LSM6: variants seen among roughly 807,000 people sequenced by gnomAD.
LSM6 encodes U6 snRNA-associated Sm-like protein LSm6.
In LSM6, 2 loss-of-function variants were observed where a neutral mutation model predicts 13.5. The observed-to-expected ratio is 0.15, with a 90% CI of 0.06 to 0.47. The LOEUF is 0.47. LSM6 is among the 20% of genes least tolerant of loss of function. The pLI is 0.97. For synonymous variants in LSM6, 43 were observed against 34.9 expected, an observed-to-expected ratio of 1.23 and a Z score of -0.82; for missense variants, 58 against 96.4, an observed-to-expected ratio of 0.60 and a Z score of 1.67.
At chr4:146,189,034 G>C (rs141909818) in intron 3 of LSM6, among the ~76,000 whole-genome samples, 1 of 149,064 alleles carries the variant, frequency 6.7e-6, no homozygotes, top group African/African-American at 2.5e-5. Context: ...CTGTGGCCCA[G>C]GCTGGAGTGT....
chr4:146,183,477 A>AT (rs1730276416), intron 2 of LSM6: 1 of 152,754 alleles, frequency 6.5e-6, no homozygotes, highest in Non-Finnish European at 1.5e-5. Context: ...GTCTCAAAAA[A>AT]AAAAATGCCT....
At chr4:146,182,412 ATTAT>A (rs1371583505) in intron 1 of LSM6, among the ~76,000 whole-genome samples, 4 of 152,240 alleles carry the variant, frequency 2.6e-5, no homozygotes, top group Non-Finnish European at 5.9e-5. Flanking sequence ...TTGGGAACAA[ATTAT>A]TTAATCTTTC....
chr4:146,181,597 A>G (rs1412296499), intron 1 of LSM6, among the ~76,000 whole-genome samples: 1 of 152,244 alleles, frequency 6.6e-6, no homozygotes, highest in East Asian at 1.9e-4. Flanking sequence ...GCATAGTGGA[A>G]GAATGTTTAA....
chr4:146,190,062 T>A lies in LSM6; in HGVS notation c.*406T>A, dbSNP rs1256993775. The stretch of plus-strand genomic sequence containing the variant: ...TTTGGAGGAATCCTCCTTTATTGCA[T>A]CCTTTTCTGTTCATACAGAATCCTT... On this transcript the variant is annotated 3_prime_UTR_variant, in exon 4 of 4. Transcript: ENST00000296581. 1 of 160,946 alleles carries A rather than the reference T, an allele frequency of 6.2e-6. No homozygotes were observed. The highest frequency in any genetic ancestry group is 2.4e-5 in the African/African-American group (1 of 41,572). 10.0% of individuals were successfully genotyped at this position (160,946 alleles called of 1,614,324 possible).
intron 1 of LSM6, among the ~76,000 whole-genome samples, chr4:146,179,327 T>C (rs1287610736): frequency 6.6e-6 from 1 of 152,212 alleles, no homozygotes; most frequent in Non-Finnish European, 1.5e-5. Context: ...TTCTGCTTTA[T>C]CCAATTTAAA....
chr4:146,184,801 G>A (rs1730309343), intron 2 of LSM6, among the ~76,000 whole-genome samples: 1 of 152,128 alleles, frequency 6.6e-6, no homozygotes, highest in South Asian at 2.1e-4. Flanking sequence ...TTTTAGAAAT[G>A]TAAAAGGAAA....
intron 2 of LSM6, among the ~76,000 whole-genome samples, 180 bp from the exon 3 acceptor site, chr4:146,187,094 A>T (rs535780866): frequency 6.6e-6 from 1 of 152,322 alleles, no homozygotes; most frequent in Non-Finnish European, 1.5e-5. Context: ...CCTAGACTTC[A>T]TTCAGATTGG....
At chr4:146,188,471 G>A (rs1449744121) in intron 3 of LSM6, among the ~76,000 whole-genome samples, 1 of 152,174 alleles carries the variant, frequency 6.6e-6, no homozygotes, top group Non-Finnish European at 1.5e-5. Flanking sequence ...TTCCCATGAT[G>A]TAATCAGTGA....
intron 1 of LSM6, among the ~76,000 whole-genome samples, chr4:146,181,772 A>G (rs1730237009): frequency 6.6e-6 from 1 of 152,206 alleles, no homozygotes; most frequent in African/African-American, 2.4e-5. Context: ...ACTGAAACAG[A>G]AAAATTAATT....
At chr4:146,183,688 T>G (rs1730280253) in intron 2 of LSM6, 1 of 152,164 alleles carries the variant, frequency 6.6e-6, no homozygotes, top group African/African-American at 2.4e-5. Flanking sequence ...TCTCTTGGGT[T>G]GCTATAACAG....
Position 146,191,217 on chromosome 4 carries a change from G to C in LSM6, c.*1561G>C, listed in dbSNP as rs555242711. The C allele has an allele frequency of 6.6e-6, 1 of 152,308 alleles. No individual in the cohort carries two copies. Among genetic ancestry groups the C allele is most frequent in the African/African-American group, 2.4e-5 (1 of 41,560 alleles). The allele number at this position is 152,308 out of a possible 1,614,324, so 9.4% of individuals were successfully genotyped here. ...AAGGAGAAAATGGATGGCTCTCCAAGTGGAGCATACATGTTCTCATTTGTT... is the reference window on the plus strand; with the variant it reads ...AAGGAGAAAATGGATGGCTCTCCAACTGGAGCATACATGTTCTCATTTGTT... On this transcript the variant is annotated 3_prime_UTR_variant, in exon 4 of 4. Transcript: ENST00000296581.
intron 3 of LSM6, 22 bp from the exon 4 acceptor site, chr4:146,189,600 T>G (rs747787751): frequency 6.5e-7 from 1 of 1,543,620 alleles, no homozygotes; most frequent in South Asian, 1.2e-5. Context: ...AAATTTCAAT[T>G]TATGTATTTT....
intron 1 of LSM6, among the ~76,000 whole-genome samples, chr4:146,182,468 C>A: frequency 6.6e-6 from 1 of 152,198 alleles, no homozygotes; most frequent in East Asian, 1.9e-4. Context: ...GTATTAAGAC[C>A]TTCTTCCCAT....
chr4:146,180,653 G>C (rs1295228874), intron 1 of LSM6, among the ~76,000 whole-genome samples: 2 of 152,146 alleles, frequency 1.3e-5, no homozygotes, highest in Non-Finnish European at 2.9e-5. Context: ...AATTAAAGTA[G>C]TTAATATCTC....
chr4:146,185,493 A>C, intron 2 of LSM6, among the ~76,000 whole-genome samples: 1 of 150,710 alleles, frequency 6.6e-6, no homozygotes, highest in Non-Finnish European at 1.5e-5. Context: ...ACCCCAAAGC[A>C]AAACAACAAC....
rs182238919 is a variant in LSM6 at position 146,185,476 on chromosome 4, C to T, written c.95-1798C>T. 1.4e-4 allele frequency among the ~76,000 whole-genome samples: 21 copies of T among 146,728 alleles called. No homozygotes were observed. The East Asian group carries it at 4.1e-3, about 29-fold the overall frequency. On this transcript the variant is annotated intron_variant, in intron 2 of 3. Transcript: ENST00000296581. ...TGCTTATTTTGTGGTTTACAAAACC[C>T]CAAAAAACCCCAAAGCAAAACAACA...
chr4:146,178,500 TC>T (rs1730160322), intron 1 of LSM6, among the ~76,000 whole-genome samples: 2 of 152,228 alleles, frequency 1.3e-5, no homozygotes, highest in African/African-American at 4.8e-5. Context: ...GCCTATCTGA[TC>T]GCCTCCTCAG....
At chr4:146,180,169 G>A (rs949269276) in intron 1 of LSM6, among the ~76,000 whole-genome samples, 4 of 152,206 alleles carry the variant, frequency 2.6e-5, no homozygotes, top group Non-Finnish European at 2.9e-5. Context: ...CCAAGCCTGG[G>A]GTAAGAGAGT....
At chr4:146,179,708 A>T (rs1730189969) in intron 1 of LSM6, among the ~76,000 whole-genome samples, 1 of 152,220 alleles carries the variant, frequency 6.6e-6, no homozygotes, top group Non-Finnish European at 1.5e-5. Context: ...AGGTTATAGC[A>T]AATAAAATCA....
Sources: allele counts gnomAD v4.1 joint callset (sites outside exome capture counted in the v4.1 genomes callset), GRCh38; gene constraint gnomAD v4.1.1; transcripts MANE v1.5; gene names NCBI Gene and HGNC (gene_info 2026-07-23, HGNC 2026-07-21).